Variants in PLAGL1 observed in about 807,000 individuals in gnomAD.
PLAGL1 encodes PLAG1 like zinc finger 1, also known as zinc finger protein PLAGL1.
PLAGL1 carries 1 observed loss-of-function variant against 4.6 expected under a neutral mutation model. The observed-to-expected ratio is 0.22, with a 90% CI of 0.08 to 1.03. PLAGL1 has a LOEUF of 1.03. PLAGL1 is among the 50% of genes least tolerant of loss of function. The probability of loss-of-function intolerance (pLI) is 0.58; values close to 1 mark genes in which losing one functional copy is unlikely to be tolerated. For missense variants in PLAGL1, 464 were observed against 570.4 expected, an observed-to-expected ratio of 0.81 and a Z score of 1.90; for synonymous variants, 240 against 237.8, an observed-to-expected ratio of 1.01 and a Z score of -0.08.
rs1160620070 is a variant in PLAGL1, at chr6:143,970,791, G to GA, written c.-543-1814dup. On this transcript the variant is annotated intron_variant, in intron 2 of 7. Transcript: ENST00000674357. The surrounding 1 kb of genome is among the most constrained non-coding windows in gnomAD (Gnocchi z 5.8). ...ATATTACAGCAGTCTTCAGTCTGAA[G>GA]AAAAAGGCTCTTTTCTGAAGAATCA... 6.6e-6 allele frequency among the ~76,000 whole-genome samples: 1 copy of GA among 152,180 alleles called. No homozygotes were observed. Among genetic ancestry groups the GA allele is most frequent in the Non-Finnish European group, 1.5e-5 (1 of 68,014 alleles).
At chr6:143,993,477 G>A (rs905658045) in intron 1 of PLAGL1, among the ~76,000 whole-genome samples, 2 of 152,032 alleles carry the variant, frequency 1.3e-5, no homozygotes, top group African/African-American at 4.8e-5. Flanking sequence ...AAGGGAGTGA[G>A]GAGACGGCAG....
In PLAGL1 at chr6:143,949,173, C is replaced by T. The variant is rs1780476239; in HGVS notation, c.-324-713G>A. ...TTTTGTTTATGGACCTTTCTTCATT[C>T]CCTGGCCCTACCCTGGAGGGCCCAT... On this transcript the variant is annotated intron_variant, in intron 6 of 7. Transcript: ENST00000674357. This position sits in a 1 kb window ranked among gnomAD's most constrained non-coding sequence, Gnocchi z 5.3. Among the ~76,000 whole-genome samples, 2 of 152,136 alleles carry T rather than the reference C, an allele frequency of 1.3e-5. No homozygotes were observed.
chr6:144,039,614 G>C lies in PLAGL1; in HGVS notation c.-151+24854C>G, dbSNP rs1797562106. On this transcript the variant is annotated intron_variant, in intron 1 of 3. Transcript: ENST00000437412. This position sits in a 1 kb window ranked among gnomAD's most constrained non-coding sequence, Gnocchi z 4.1. ...AATAAAATCAAATAAAATATCACAT[G>C]CCATTTTACACCCCAAAAATGAAAA... 6.6e-6 allele frequency among the ~76,000 whole-genome samples: 1 copy of C among 151,930 alleles called. No individual in the cohort carries two copies. Among genetic ancestry groups the C allele is most frequent in the African/African-American group, 2.4e-5 (1 of 41,354 alleles).
intron 1 of PLAGL1, among the ~76,000 whole-genome samples, chr6:144,030,737 A>T (rs1796757157): frequency 6.6e-6 from 1 of 152,106 alleles, no homozygotes; most frequent in Non-Finnish European, 1.5e-5. Flanking sequence ...TGCTTTATCC[A>T]CTTGTTGACT....
rs1490322402 is a variant in PLAGL1 at position 144,006,942 on chromosome 6, GTC to G, written c.-584+1146_-584+1147del. On this transcript the variant is annotated intron_variant, in intron 1 of 7. Transcript: ENST00000674357. This position sits in a 1 kb window ranked among gnomAD's most constrained non-coding sequence, Gnocchi z 4.3. The stretch of plus-strand genomic sequence containing the variant: ...GAGAGACACTGATGTTCTATTCTCC[GTC>G]TGTGTTTTACAAATTCTGATCATCC... 6.6e-6 allele frequency: 1 copy of G among 152,076 alleles called. No individual in the cohort carries two copies. The highest frequency in any genetic ancestry group is 1.9e-4 in the East Asian group (1 of 5,186). The allele number at this position is 152,076 out of a possible 1,614,324, so 9.4% of individuals were successfully genotyped here.
intron 1 of PLAGL1, among the ~76,000 whole-genome samples, chr6:144,042,793 T>C (rs1018978367): frequency 6.6e-6 from 1 of 152,254 alleles, no homozygotes; most frequent in African/African-American, 2.4e-5. Context: ...ATATTGATTC[T>C]TCCTACCCAT....
Position 143,941,386 on chromosome 6 carries a change from C to T in PLAGL1, c.*38G>A, listed in dbSNP as rs745775222. 10 of 1,456,392 alleles carry T rather than the reference C, an allele frequency of 6.9e-6. No individual in the cohort carries two copies. The highest frequency in any genetic ancestry group is 2.3e-5 in the East Asian group (1 of 43,048). The allele number at this position is 1,456,392 out of a possible 1,614,324, so 90.2% of individuals were successfully genotyped here. ...CTGACATTTAAAATGCTTCTTAAAA[C>T]ATCTTCCAGAATACGAAAAATACAC... On this transcript the variant is annotated 3_prime_UTR_variant, in exon 8 of 8. Transcript: ENST00000674357. The surrounding 1 kb of genome is among the most constrained non-coding windows in gnomAD (Gnocchi z 6.0).
At chr6:144,003,623 CAAAAAAA>C (rs371417312) in intron 1 of PLAGL1, among the ~76,000 whole-genome samples, 1 of 118,166 alleles carries the variant, frequency 8.5e-6, no homozygotes, top group Admixed American at 8.8e-5. Flanking sequence ...GACTCCATCT[CAAAAAAA>C]AAAAAAAAAG....
chr6:144,019,345 G>A (rs577373521), intron 1 of PLAGL1, among the ~76,000 whole-genome samples: 8 of 152,124 alleles, frequency 5.3e-5, no homozygotes, highest in East Asian at 3.9e-4. Context: ...GGTGGTGGGC[G>A]CCTGTAATCC....
rs953156041 is a variant in PLAGL1 at position 143,943,170 on chromosome 6, T to G, written c.153-507A>C. Among the ~76,000 whole-genome samples the G allele has an allele frequency of 4.6e-5, 7 of 151,770 alleles. 1 individual carries two copies. The highest frequency in any genetic ancestry group is 8.8e-5 in the Non-Finnish European group (6 of 67,980). On this transcript the variant is annotated intron_variant, in intron 7 of 7. Coordinates refer to ENST00000674357, the MANE Select transcript of PLAGL1 (RefSeq NM_001317162.2). ...AGAGTCACCGTGCCTGGCCAGAATA[T>G]TCTTAAAGAGAACATGTTTTTTTAA...
rs1470865883 is a variant in PLAGL1 at position 143,989,014 on chromosome 6, C to CA, written c.-583-3841dup. Among the ~76,000 whole-genome samples, 3 of 152,148 alleles carry CA rather than the reference C, an allele frequency of 2.0e-5. No individual in the cohort carries two copies. Among genetic ancestry groups the CA allele is most frequent in the Admixed American group, 2.0e-4 (3 of 15,278 alleles). ...TATGTTTGAAATAACTCATGGTCTG[C>CA]AAAATCTCACACCAAAAATAACAGA... On this transcript the variant is annotated intron_variant, in intron 1 of 7. Transcript: ENST00000674357. The surrounding 1 kb of genome is among the most constrained non-coding windows in gnomAD (Gnocchi z 4.8).
intron 1 of PLAGL1, among the ~76,000 whole-genome samples, chr6:144,001,506 C>A (rs1244579470): frequency 6.6e-6 from 1 of 152,014 alleles, no homozygotes; most frequent in African/African-American, 2.4e-5. Flanking sequence ...AATTATTGGA[C>A]AAAACTTTAA....
In PLAGL1 at chr6:143,962,918, G is replaced by T. The variant is rs1015298107; in HGVS notation, c.-399+1869C>A. On this transcript the variant is annotated intron_variant, in intron 5 of 7. Transcript: ENST00000674357. This position sits in a 1 kb window ranked among gnomAD's most constrained non-coding sequence, Gnocchi z 5.3. ...AAGGTTTGTTTTTGAAAAGCCTCTC[G>T]AATATGTTTTATTTTATTTTCCAGA... Among the ~76,000 whole-genome samples, 1 of 152,172 alleles carries T rather than the reference G, an allele frequency of 6.6e-6. No homozygotes were observed. The highest frequency in any genetic ancestry group is 1.5e-5 in the Non-Finnish European group (1 of 68,042).
rs1430296528 is a variant in PLAGL1, at chr6:144,013,702, T to G, written c.-150-44724A>C. Among the ~76,000 whole-genome samples, 1 of 152,210 alleles carries G rather than the reference T, an allele frequency of 6.6e-6. No individual in the cohort carries two copies. The highest frequency in any genetic ancestry group is 2.4e-5 in the African/African-American group (1 of 41,458). On this transcript the variant is annotated intron_variant, in intron 1 of 3. Transcript: ENST00000437412. This position sits in a 1 kb window ranked among gnomAD's most constrained non-coding sequence, Gnocchi z 4.4. ...GCTTCCTTGGCTTGCGGCCACAGCA[T>G]GCCAATCTCTGCCTCCATCTTCACA...
At chr6:144,052,290 T>C (rs1798635466) in intron 1 of PLAGL1, among the ~76,000 whole-genome samples, 1 of 152,156 alleles carries the variant, frequency 6.6e-6, no homozygotes, top group Admixed American at 6.5e-5. Flanking sequence ...AATCAATCAA[T>C]CAATCAATCA....
At chr6:144,003,598 T>G (rs1191120631) in intron 1 of PLAGL1, among the ~76,000 whole-genome samples, 1 of 131,638 alleles carries the variant, frequency 7.6e-6, no homozygotes, top group Non-Finnish European at 1.6e-5. Flanking sequence ...CACTCCAGCC[T>G]GGGTGATAAA....
intron 1 of PLAGL1, among the ~76,000 whole-genome samples, chr6:144,017,451 A>G (rs981929576): frequency 6.6e-6 from 1 of 152,222 alleles, no homozygotes; most frequent in Non-Finnish European, 1.5e-5. Context: ...GTCCATTTCT[A>G]TCTTCAACTG....
At chr6:143,956,341 G>A (rs908385098) in intron 6 of PLAGL1, among the ~76,000 whole-genome samples, 1 of 152,164 alleles carries the variant, frequency 6.6e-6, no homozygotes, top group East Asian at 1.9e-4. Flanking sequence ...GCAGCCTTGT[G>A]GGGGCATGGA....
chr6:143,947,566 C>T lies in PLAGL1; in HGVS notation c.152+419G>A, dbSNP rs886406366. ...TTTAAGGCCAAGACTTATGGCTTTC[C>T]CAGAACCTCCTCTCTGCCTCCTCCT... On this transcript the variant is annotated intron_variant, in intron 7 of 7. Coordinates refer to ENST00000674357, the MANE Select transcript of PLAGL1 (RefSeq NM_001317162.2). The surrounding 1 kb of genome is among the most constrained non-coding windows in gnomAD (Gnocchi z 4.3). Among the ~76,000 whole-genome samples, 3 of 152,204 alleles carry T rather than the reference C, an allele frequency of 2.0e-5. No individual in the cohort carries two copies. The highest frequency in any genetic ancestry group is 4.4e-5 in the Non-Finnish European group (3 of 68,046).
Sources: gnomAD v4.1 joint callset for allele counts (sites outside exome capture counted in the v4.1 genomes callset) on GRCh38, gnomAD v4.1.1 for gene constraint, Gnocchi (gnomAD v3.1) non-coding constraint, MANE v1.5 for transcripts, NCBI Gene and HGNC (gene_info 2026-07-23, HGNC 2026-07-21) for gene names.